Variants in AGBL1 observed in about 807,000 individuals in gnomAD.
The protein encoded by AGBL1 is cytosolic carboxypeptidase 4.
In AGBL1, 130 loss-of-function variants were observed where a neutral mutation model predicts 118.9. The observed-to-expected ratio is 1.09, with a 90% CI of 0.95 to 1.26. AGBL1 has a LOEUF of 1.26. Among genes scored for constraint, AGBL1 ranks in the 50% most tolerant of loss-of-function variants. The pLI is 0.00. For missense variants in AGBL1, 1,584 were observed against 1,298.1 expected (o/e 1.22, Z -3.38); for synonymous variants, 555 against 478.9 (o/e 1.16, Z -2.08).
At chr15:86,423,074 C>T (rs766099440) in intron 18 of AGBL1, among the ~76,000 whole-genome samples, 2 of 152,186 alleles carry the variant, frequency 1.3e-5, no homozygotes, top group Non-Finnish European at 2.9e-5. Flanking sequence ...GGACTCCTCC[C>T]TAACTCATTT....
intron 1 of AGBL1, among the ~76,000 whole-genome samples, chr15:86,095,341 G>T (rs1896291711): frequency 1.3e-5 from 2 of 152,118 alleles, no homozygotes. Flanking sequence ...TGGGAGGTGA[G>T]GCTGAAAGTT....
intron 22 of AGBL1, among the ~76,000 whole-genome samples, chr15:86,724,662 T>A (rs1032296051): frequency 6.6e-6 from 1 of 152,184 alleles, no homozygotes; most frequent in Admixed American, 6.5e-5. Flanking sequence ...AATCTCATGT[T>A]GAAATGTAAT....
chr15:86,654,358 A>T (rs1194342941), intron 21 of AGBL1, among the ~76,000 whole-genome samples: 1 of 152,026 alleles, frequency 6.6e-6, no homozygotes, highest in African/African-American at 2.4e-5. Flanking sequence ...GAAGCTTCCA[A>T]TTTTTACATA....
chr15:86,834,577 G>A, intron 22 of AGBL1, among the ~76,000 whole-genome samples: 1 of 150,908 alleles, frequency 6.6e-6, no homozygotes, highest in East Asian at 2.0e-4. Context: ...GGGCATGTGT[G>A]GATCTGAGTG....
intron 24 of AGBL1, among the ~76,000 whole-genome samples, chr15:87,015,812 T>A (rs546418274): frequency 6.6e-6 from 1 of 152,222 alleles, no homozygotes; most frequent in Admixed American, 6.5e-5. Flanking sequence ...TTAGGAGTAA[T>A]TTTTAGACAC....
chr15:86,720,873 C>G (rs1222958247), intron 22 of AGBL1, among the ~76,000 whole-genome samples: 2 of 152,198 alleles, frequency 1.3e-5, no homozygotes, highest in Admixed American at 6.5e-5. Flanking sequence ...ATGAACACCT[C>G]TACACAAATA....
chr15:86,114,906 C>A (rs2065044526), intron 1 of AGBL1, among the ~76,000 whole-genome samples: 1 of 152,126 alleles, frequency 6.6e-6, no homozygotes, highest in South Asian at 2.1e-4. Context: ...TCAGAGTAGC[C>A]TGAGCTGTCA....
At chr15:86,356,098 C>T (rs1394552072) in intron 17 of AGBL1, among the ~76,000 whole-genome samples, 1 of 151,940 alleles carries the variant, frequency 6.6e-6, no homozygotes, top group African/African-American at 2.4e-5. Context: ...CTGGAAAATG[C>T]TAATTTATGG....
chr15:86,365,014 C>CAT (rs2080865311), intron 17 of AGBL1, among the ~76,000 whole-genome samples: 10 of 131,854 alleles, frequency 7.6e-5, no homozygotes, highest in African/African-American at 2.8e-4. Context: ...TATATACACA[C>CAT]ACATATATAT....
rs1172617403 is a variant in AGBL1 at position 86,910,334 on chromosome 15, G to A, written c.*3040G>A. ...ACTGGTTTAAAAGATGTGTTTGTATGTGAGGAAAGGAGGAGAGTGACAAGA... is the reference window on the plus strand; with the variant it reads ...ACTGGTTTAAAAGATGTGTTTGTATATGAGGAAAGGAGGAGAGTGACAAGA... On this transcript the variant is annotated 3_prime_UTR_variant, in exon 23 of 23. Transcript: ENST00000614907. The A allele has an allele frequency of 6.6e-6, 1 of 152,224 alleles. No homozygotes were observed. The highest frequency in any genetic ancestry group is 1.5e-5 in the Non-Finnish European group (1 of 68,044). 9.4% of individuals were successfully genotyped at this position (152,224 alleles called of 1,614,324 possible). A position where few individuals can be genotyped will look rare whatever the true frequency, so the allele number is the denominator to read the frequency against.
chr15:86,502,475 T>C (rs1474668652), intron 18 of AGBL1, among the ~76,000 whole-genome samples: 3 of 151,638 alleles, frequency 2.0e-5, no homozygotes, highest in East Asian at 1.9e-4. Context: ...CAATGTTGAA[T>C]AGATGTGGTA....
intron 6 of AGBL1, among the ~76,000 whole-genome samples, chr15:86,236,139 C>T (rs1240344140): frequency 6.6e-6 from 1 of 152,158 alleles, no homozygotes; most frequent in Non-Finnish European, 1.5e-5. Flanking sequence ...AAATCCTTTG[C>T]AGAGCCACTG....
chr15:86,459,691 A>G (rs751438330), intron 18 of AGBL1, among the ~76,000 whole-genome samples: 8 of 152,104 alleles, frequency 5.3e-5, no homozygotes, highest in Non-Finnish European at 1.0e-4. Flanking sequence ...CCACATCTCA[A>G]CAACAGAGGC....
chr15:86,094,722 A>T (rs1896244790), intron 1 of AGBL1, among the ~76,000 whole-genome samples: 1 of 152,182 alleles, frequency 6.6e-6, no homozygotes, highest in Non-Finnish European at 1.5e-5. Context: ...CTGCTTCCAG[A>T]TATGGGACAT....
chr15:86,745,251 A>G (rs1194886745), intron 22 of AGBL1, among the ~76,000 whole-genome samples: 2 of 152,106 alleles, frequency 1.3e-5, no homozygotes, highest in African/African-American at 2.4e-5. Context: ...ATTGTGCCCA[A>G]TCTTTCTGAA....
At chr15:87,013,806 A>G (rs1433448293) in intron 24 of AGBL1, among the ~76,000 whole-genome samples, 1 of 86,344 alleles carries the variant, frequency 1.2e-5, no homozygotes, top group African/African-American at 3.5e-5. Flanking sequence ...AATTTAACAA[A>G]ATGGAGTTAG....
chr15:86,558,189 G>A (rs776415107), intron 21 of AGBL1, among the ~76,000 whole-genome samples: 10 of 152,172 alleles, frequency 6.6e-5, no homozygotes, highest in Non-Finnish European at 1.3e-4. Context: ...ATACGTAGTA[G>A]ATGCTGCGGT....
chr15:86,779,814 A>G (rs1234289612), intron 22 of AGBL1, among the ~76,000 whole-genome samples: 1 of 151,918 alleles, frequency 6.6e-6, no homozygotes, highest in Non-Finnish European at 1.5e-5. Context: ...TAACCATTTG[A>G]GTCTCTTCTT....
chr15:86,395,295 C>T (rs747071947), intron 17 of AGBL1, among the ~76,000 whole-genome samples: 5 of 151,978 alleles, frequency 3.3e-5, no homozygotes, highest in East Asian at 1.9e-4. Flanking sequence ...TCGACTTTTG[C>T]GCCACTGGTT....
Sources: gnomAD v4.1 joint callset for allele counts (sites outside exome capture counted in the v4.1 genomes callset) on GRCh38, gnomAD v4.1.1 for gene constraint, MANE v1.5 for transcripts, NCBI Gene and HGNC (gene_info 2026-07-23, HGNC 2026-07-21) for gene names.